The following OPCML variants were observed in gnomAD, a reference collection of about 807,000 sequenced individuals.
OPCML encodes opioid-binding protein/cell adhesion molecule.
OPCML carries 13 observed loss-of-function variants against 37.8 expected under a neutral mutation model. The observed-to-expected ratio is 0.34, with a 90% CI of 0.22 to 0.55. The LOEUF (loss-of-function observed/expected upper bound fraction) is 0.55. Ranked by LOEUF, OPCML falls within the 20% of genes least tolerant of loss-of-function variation. The pLI is 0.91. For missense variants in OPCML, 341 were observed against 435.6 expected (o/e 0.78, Z 1.93); for synonymous variants, 176 against 168.8 (o/e 1.04, Z -0.33).
chr11:133,499,930 G>A (rs575116366), intron 1 of OPCML, among the ~76,000 whole-genome samples: 249 of 145,764 alleles, frequency 1.7e-3, no homozygotes, highest in Non-Finnish European at 3.0e-3. Context: ...GGAGTGCAAT[G>A]GTGAGATCTC....
intron 1 of OPCML, among the ~76,000 whole-genome samples, chr11:133,458,189 C>T (rs9735883): frequency 0.1 from 12,319 of 122,906 alleles, 2,551 homozygotes; most frequent in African/African-American, 0.48. Context: ...TGTATATATA[C>T]ACATATATAC....
intron 1 of OPCML, among the ~76,000 whole-genome samples, chr11:132,997,296 G>A (rs1276640347): frequency 6.6e-6 from 1 of 152,176 alleles, no homozygotes; most frequent in Non-Finnish European, 1.5e-5. Context: ...TGATACCACT[G>A]CTTTCTGGTT....
intron 4 of OPCML, among the ~76,000 whole-genome samples, chr11:132,461,057 C>G (rs758660885): frequency 6.6e-6 from 1 of 152,086 alleles, no homozygotes; most frequent in Non-Finnish European, 1.5e-5. Flanking sequence ...CCTGAGGATA[C>G]TGAGTGAACC....
intron 1 of OPCML, among the ~76,000 whole-genome samples, chr11:133,292,229 AAG>A (rs1485090851): frequency 6.6e-6 from 1 of 152,112 alleles, no homozygotes; most frequent in East Asian, 1.9e-4. Context: ...GAGGGGAAAA[AAG>A]AGAGATCTCT....
intron 1 of OPCML, among the ~76,000 whole-genome samples, chr11:133,351,019 A>G (rs569935236): frequency 6.0e-4 from 91 of 152,312 alleles, no homozygotes; most frequent in Non-Finnish European, 1.1e-3. Flanking sequence ...TCTCCATAAA[A>G]TTAAAATAGG....
At chr11:132,539,866 A>G (rs2096351646) in intron 3 of OPCML, among the ~76,000 whole-genome samples, 1 of 151,954 alleles carries the variant, frequency 6.6e-6, no homozygotes, top group Non-Finnish European at 1.5e-5. Flanking sequence ...GAAGATAGTG[A>G]TGGTGATCAT....
intron 1 of OPCML, among the ~76,000 whole-genome samples, chr11:133,432,245 G>GA (rs1259331993): frequency 3.3e-5 from 5 of 151,906 alleles, no homozygotes; most frequent in African/African-American, 1.2e-4. Flanking sequence ...AGTTGGAAAG[G>GA]AAAAAAAGAG....
At chr11:132,689,103 G>A (rs372989737) in intron 2 of OPCML, among the ~76,000 whole-genome samples, 6 of 152,050 alleles carry the variant, frequency 3.9e-5, no homozygotes, top group African/African-American at 1.2e-4. Context: ...AACAAATCCC[G>A]GGAATGCTGT....
intron 1 of OPCML, among the ~76,000 whole-genome samples, chr11:133,104,207 A>C (rs757168697): frequency 7.2e-5 from 11 of 152,212 alleles, no homozygotes; most frequent in Non-Finnish European, 1.6e-4. Flanking sequence ...TCAGGGAGAA[A>C]GGAGGGAAAT....
chr11:133,129,231 A>C (rs1949566926), intron 1 of OPCML, among the ~76,000 whole-genome samples: 3 of 152,096 alleles, frequency 2.0e-5, no homozygotes, highest in South Asian at 4.2e-4. Context: ...ATCTACAAAG[A>C]ACTCCTCCCA....
intron 2 of OPCML, among the ~76,000 whole-genome samples, chr11:132,726,960 A>G (rs1944908001): frequency 6.6e-6 from 1 of 152,142 alleles, no homozygotes; most frequent in Non-Finnish European, 1.5e-5. Flanking sequence ...TCTTTTATCT[A>G]TGGACCCTTC....
intron 4 of OPCML, among the ~76,000 whole-genome samples, chr11:132,517,483 G>A (rs2096282615): frequency 6.6e-6 from 1 of 152,164 alleles, no homozygotes; most frequent in Admixed American, 6.5e-5. Flanking sequence ...TCCAGAGGTG[G>A]CTGCAGTATG....
At chr11:132,765,659 A>G (rs1946415101) in intron 2 of OPCML, among the ~76,000 whole-genome samples, 1 of 152,186 alleles carries the variant, frequency 6.6e-6, no homozygotes, top group Non-Finnish European at 1.5e-5. Context: ...AGTCTTTTTC[A>G]TCAATGAGGA....
intron 2 of OPCML, among the ~76,000 whole-genome samples, chr11:132,884,492 A>C (rs918331708): frequency 4.6e-5 from 7 of 152,306 alleles, no homozygotes; most frequent in Admixed American, 2.6e-4. Flanking sequence ...GGGTTTCTTT[A>C]TTTGACTAGA....
chr11:132,760,830 A>G lies in OPCML; in HGVS notation c.147-103511T>C, dbSNP rs573962377. Among the ~76,000 whole-genome samples, 26 of 152,112 alleles carry G rather than the reference A, an allele frequency of 1.7e-4. No homozygotes were observed. In the South Asian group the frequency reaches 5.4e-3, roughly 32 times the overall value. ...ATTAATATTGTTATGTGTGAATTTG[A>G]TCCTGTCATTATGATGCTAACTGGT... On this transcript the variant is annotated intron_variant, in intron 2 of 7. Transcript: ENST00000524381.
chr11:133,158,764 T>TAA (rs991720189), intron 1 of OPCML, among the ~76,000 whole-genome samples: 2 of 122,220 alleles, frequency 1.6e-5, no homozygotes, highest in Admixed American at 1.6e-4. Context: ...AAATGAAAAT[T>TAA]AAAAAAAATT....
intron 1 of OPCML, among the ~76,000 whole-genome samples, chr11:133,436,724 A>G (rs1203961541): frequency 6.6e-6 from 1 of 152,192 alleles, no homozygotes. Context: ...AGTTACTAAA[A>G]TTGTCAGTTT....
intron 1 of OPCML, chr11:133,064,764 G>GCGGGC (rs1948412720): frequency 6.6e-6 from 1 of 152,210 alleles, no homozygotes; most frequent in South Asian, 2.1e-4. Flanking sequence ...CCGGCGCGGG[G>GCGGGC]CGGGCCGGCA....
At chr11:132,493,482 C>T (rs2096222295) in intron 4 of OPCML, among the ~76,000 whole-genome samples, 1 of 152,162 alleles carries the variant, frequency 6.6e-6, no homozygotes, top group Admixed American at 6.5e-5. Flanking sequence ...TTCCTTCTCC[C>T]TAGCTTTTAA....
Sources: gnomAD v4.1 joint callset for allele counts (sites outside exome capture counted in the v4.1 genomes callset) on GRCh38, gnomAD v4.1.1 for gene constraint, MANE v1.5 for transcripts, NCBI Gene and HGNC (gene_info 2026-07-23, HGNC 2026-07-21) for gene names.